FRAS1: variants seen among roughly 807,000 people sequenced by gnomAD.
The protein encoded by FRAS1 is extracellular matrix organizing protein FRAS1.
Under a neutral mutation model 435.2 loss-of-function variants are expected in FRAS1, and 290 were observed. That is an observed-to-expected ratio of 0.67 (90% CI 0.61 to 0.73). The LOEUF is 0.73. Among genes scored for constraint, FRAS1 ranks in the 30% least tolerant of loss-of-function variants. The probability of loss-of-function intolerance (pLI) is 0.00; values close to 1 mark genes in which losing one functional copy is unlikely to be tolerated. For synonymous variants in FRAS1, 1,800 were observed against 1,851.0 expected (o/e 0.97, Z 0.71); for missense variants, 4,860 against 5,001.5 (o/e 0.97, Z 0.85).
At chr4:78,446,348 C>T (rs1281311892) in intron 42 of FRAS1, 6 of 1,050,780 alleles carry the variant, frequency 5.7e-6, no homozygotes, top group East Asian at 1.0e-4. Context: ...TCTACAGGTA[C>T]TGTGGTATGC....
intron 29 of FRAS1, among the ~76,000 whole-genome samples, chr4:78,395,906 GT>G (rs1732639299): frequency 6.6e-6 from 1 of 151,876 alleles, no homozygotes; most frequent in South Asian, 2.1e-4. Context: ...TTTTCTGACT[GT>G]TTTGTAGTTC....
In FRAS1 at chr4:78,308,180, G is replaced by T; in HGVS notation, c.1649G>T (p.Gly550Val). The T allele has an allele frequency of 6.2e-7, 1 of 1,613,946 alleles. No homozygotes were observed. The highest frequency in any genetic ancestry group is 8.5e-7 in the Non-Finnish European group (1 of 1,179,870). ...DGGCESSCGK[G>V]FYNRQGTCSA... ...GGCTGTGAGAGCAGCTGTGGAAAAG[G>T]CTTCTACAACAGGCAGGGCACCTGT... Residue 550 changes from glycine to valine, a missense_variant, in exon 15 of 74, where the codon GGC becomes GTC. By Grantham distance (109) the Gly-to-Val change is moderately radical (BLOSUM62 -3). Coordinates refer to ENST00000512123, the MANE Select transcript of FRAS1 (RefSeq NM_025074.7).
Position 78,317,327 on chromosome 4 carries a change from C to A in FRAS1, c.1820-41C>A, listed in dbSNP as rs767144424. 3.7e-6 allele frequency: 6 copies of A among 1,612,186 alleles called. No homozygotes were observed. In the African/African-American group the frequency reaches 6.7e-5, roughly 18 times the overall value. On this transcript the variant is annotated intron_variant, in intron 16 of 73. Coordinates refer to ENST00000512123, the MANE Select transcript of FRAS1 (RefSeq NM_025074.7). ...AGCCAGGAAGTGGGCACTTTATTCA[C>A]CCATGTCCCATGGCGTTCTCCCTCT...
intron 2 of FRAS1, among the ~76,000 whole-genome samples, chr4:78,118,771 T>G (rs1328364235): frequency 6.6e-6 from 1 of 152,108 alleles, no homozygotes; most frequent in Non-Finnish European, 1.5e-5. Context: ...CCTTCCCGGG[T>G]GAGGCAATGC....
chr4:78,257,941 G>A (rs1450010690), intron 6 of FRAS1, among the ~76,000 whole-genome samples: 1 of 152,164 alleles, frequency 6.6e-6, no homozygotes, highest in African/African-American at 2.4e-5. Context: ...GAAATTGTTT[G>A]TTCAGTCTGA....
chr4:78,482,374 G>C lies in FRAS1; in HGVS notation c.8605-14G>C, dbSNP rs759766299. On this transcript the variant is annotated splice_polypyrimidine_tract_variant and intron_variant, in intron 57 of 73. Coordinates refer to ENST00000512123, the MANE Select transcript of FRAS1 (RefSeq NM_025074.7). The stretch of plus-strand genomic sequence containing the variant: ...GTGGGTCCTCTGTCAAGTTTGCTTT[G>C]GTTTCTCTTCTAGTATTGCACCTTG... The C allele has an allele frequency of 6.2e-7, 1 of 1,613,680 alleles. No individual in the cohort carries two copies. The highest frequency in any genetic ancestry group is 8.5e-7 in the Non-Finnish European group (1 of 1,179,754).
intron 18 of FRAS1, among the ~76,000 whole-genome samples, chr4:78,321,918 A>T (rs557809235): frequency 6.6e-6 from 1 of 151,566 alleles, no homozygotes; most frequent in South Asian, 2.1e-4. Context: ...GACTGAATTG[A>T]CCTCTTGAGT....
At chr4:78,335,162 G>A (rs1260009920) in intron 19 of FRAS1, among the ~76,000 whole-genome samples, 5 of 152,128 alleles carry the variant, frequency 3.3e-5, no homozygotes, top group Non-Finnish European at 7.3e-5. Context: ...TGCTCTGGTT[G>A]TCAATTATTG....
chr4:78,301,483 C>A (rs1404299719), intron 14 of FRAS1, among the ~76,000 whole-genome samples: 1 of 151,906 alleles, frequency 6.6e-6, no homozygotes, highest in African/African-American at 2.4e-5. Context: ...TTTGTGAGTT[C>A]TTAAGACACA....
chr4:78,121,980 C>CT (rs936105768), intron 2 of FRAS1, among the ~76,000 whole-genome samples: 14 of 151,922 alleles, frequency 9.2e-5, no homozygotes, highest in African/African-American at 1.9e-4. Flanking sequence ...TTTATGGCAA[C>CT]TTTTTTTTGT....
At chr4:78,185,018 G>C (rs1241882813) in intron 2 of FRAS1, among the ~76,000 whole-genome samples, 1 of 152,294 alleles carries the variant, frequency 6.6e-6, no homozygotes, top group East Asian at 1.9e-4. Flanking sequence ...GGCCTAGTAA[G>C]TGGTGCCCTT....
At chr4:78,473,670 T>G (rs1719777592) in intron 53 of FRAS1, 73 bp downstream of exon 53, 1 of 1,240,410 alleles carries the variant, frequency 8.1e-7, no homozygotes, top group East Asian at 2.4e-5. Context: ...TGAAGGATGC[T>G]GGGGGGCAGC....
At chr4:78,374,300 T>C (rs142830876) in intron 25 of FRAS1, 49 bp downstream of exon 25, 16,656 of 1,514,312 alleles carry the variant, frequency 0.011, 135 homozygotes, top group Non-Finnish European at 0.012. Context: ...GGGCAGCAAG[T>C]AAGTCACATG....
At chr4:78,147,197 G>A (rs1472173185) in intron 2 of FRAS1, among the ~76,000 whole-genome samples, 1 of 152,082 alleles carries the variant, frequency 6.6e-6, no homozygotes, top group East Asian at 1.9e-4. Context: ...TTTTAGTGGA[G>A]CCATATTCTC....
chr4:78,230,925 T>TTTTTTGTTTTTTTG (rs1349731622), intron 2 of FRAS1, among the ~76,000 whole-genome samples: 1 of 152,128 alleles, frequency 6.6e-6, no homozygotes, highest in African/African-American at 2.4e-5. Flanking sequence ...AAGCATAACA[T>TTTTTTGTTTTTTTG]TTTTTGTTTT....
chr4:78,433,825 C>T (rs1028022243), intron 38 of FRAS1, among the ~76,000 whole-genome samples: 5 of 152,132 alleles, frequency 3.3e-5, no homozygotes, highest in South Asian at 2.1e-4. Flanking sequence ...TCCAAAATAG[C>T]GCTCCAGGAG....
intron 2 of FRAS1, among the ~76,000 whole-genome samples, chr4:78,127,631 A>G (rs1719434776): frequency 7.2e-6 from 1 of 138,602 alleles, no homozygotes; most frequent in African/African-American, 2.8e-5. Context: ...TAGTGATACC[A>G]TTTACAAACA....
At chr4:78,086,725 G>A (rs1048824981) in intron 2 of FRAS1, among the ~76,000 whole-genome samples, 2 of 152,112 alleles carry the variant, frequency 1.3e-5, no homozygotes, top group Non-Finnish European at 2.9e-5. Context: ...GACCAAACCA[G>A]GAAGAAGTTG....
intron 60 of FRAS1, 34 bp from the exon 61 acceptor site, chr4:78,499,687 A>ACT: frequency 6.3e-7 from 1 of 1,592,662 alleles, no homozygotes; most frequent in Non-Finnish European, 8.6e-7. Context: ...TGCTATTCTA[A>ACT]CTGGCTCTTG....
Sources: gnomAD v4.1 joint callset for allele counts (sites outside exome capture counted in the v4.1 genomes callset) on GRCh38, gnomAD v4.1.1 for gene constraint, MANE v1.5 for transcripts, NCBI Gene and HGNC (gene_info 2026-07-23, HGNC 2026-07-21) for gene names.